Variants in DOCK1 observed in about 807,000 individuals in gnomAD.
DOCK1 encodes the protein dedicator of cytokinesis 1.
Under a neutral mutation model 262.7 loss-of-function variants are expected in DOCK1, and 138 were observed. That is an observed-to-expected ratio of 0.53 (90% confidence interval 0.46 to 0.61). DOCK1 has a LOEUF of 0.61. DOCK1 is among the 20% of genes least tolerant of loss of function. DOCK1 has a pLI of 0.00. For synonymous variants in DOCK1, 866 were observed against 867.4 expected, an observed-to-expected ratio of 1.00 and a Z score of 0.03; for missense variants, 1,908 against 2,370.7, an observed-to-expected ratio of 0.80 and a Z score of 4.05.
intron 35 of DOCK1, among the ~76,000 whole-genome samples, chr10:127,378,999 A>G (rs1170072528): frequency 1.3e-5 from 2 of 152,232 alleles, no homozygotes; most frequent in African/African-American, 2.4e-5. Flanking sequence ...TTGCTCATGA[A>G]ATTAAAGAGC....
At chr10:126,911,478 G>A (rs1256387082) in intron 1 of DOCK1, among the ~76,000 whole-genome samples, 1 of 152,224 alleles carries the variant, frequency 6.6e-6, no homozygotes, top group Non-Finnish European at 1.5e-5. Flanking sequence ...ATGCACCAGT[G>A]TGGAGACCAC....
At chr10:127,115,434 A>ATC (rs1184649656) in intron 25 of DOCK1, among the ~76,000 whole-genome samples, 4 of 152,188 alleles carry the variant, frequency 2.6e-5, no homozygotes, top group African/African-American at 9.7e-5. Flanking sequence ...CTTGCATATA[A>ATC]TCTGTGGTGT....
chr10:127,312,279 G>A (rs1234353583), intron 29 of DOCK1, among the ~76,000 whole-genome samples: 1 of 152,148 alleles, frequency 6.6e-6, no homozygotes, highest in East Asian at 1.9e-4. Context: ...AGAAATAGCG[G>A]TGATGATCAC....
chr10:127,426,757 G>A (rs2068841499), intron 47 of DOCK1, among the ~76,000 whole-genome samples: 1 of 152,206 alleles, frequency 6.6e-6, no homozygotes, highest in Non-Finnish European at 1.5e-5. Flanking sequence ...CTAGGCTGGG[G>A]CAGGAGGCTC....
chr10:127,157,478 T>G (rs560978392), intron 27 of DOCK1, among the ~76,000 whole-genome samples: 1 of 152,358 alleles, frequency 6.6e-6, no homozygotes, highest in African/African-American at 2.4e-5. Context: ...ATGGAAACAC[T>G]TCTTGACTTT....
At chr10:127,103,495 C>G (rs1232166483) in intron 23 of DOCK1, among the ~76,000 whole-genome samples, 1 of 152,094 alleles carries the variant, frequency 6.6e-6, no homozygotes. Flanking sequence ...ATTGCTGATT[C>G]CTTTCCTCTG....
chr10:127,241,183 G>A (rs1039382178), intron 27 of DOCK1, among the ~76,000 whole-genome samples: 5 of 152,034 alleles, frequency 3.3e-5, no homozygotes, highest in African/African-American at 1.2e-4. Flanking sequence ...AATTAGCCAG[G>A]CGTGGCATAC....
At chr10:126,919,959 G>C (rs148672269) in intron 1 of DOCK1, among the ~76,000 whole-genome samples, 1 of 152,156 alleles carries the variant, frequency 6.6e-6, no homozygotes, top group Non-Finnish European at 1.5e-5. Context: ...GGGGAGTTAC[G>C]TCTTGGAGGG....
At chr10:127,397,733 G>A (rs112026736) in intron 38 of DOCK1, among the ~76,000 whole-genome samples, 37,402 of 108,554 alleles carry the variant, frequency 0.34, 5,320 homozygotes, top group South Asian at 0.45. Flanking sequence ...GTGTGACCCG[G>A]GCAGCGACTC....
intron 18 of DOCK1, among the ~76,000 whole-genome samples, chr10:127,033,842 T>G (rs192132722): frequency 1.2e-4 from 19 of 152,346 alleles, no homozygotes; most frequent in African/African-American, 4.3e-4. Context: ...TTCTGCACTT[T>G]GCACTCTGTT....
intron 1 of DOCK1, among the ~76,000 whole-genome samples, chr10:126,910,086 C>G (rs1474515376): frequency 6.6e-6 from 1 of 152,124 alleles, no homozygotes; most frequent in East Asian, 1.9e-4. Flanking sequence ...CTTTTGTTAT[C>G]TAGAGTAGCA....
intron 29 of DOCK1, chr10:127,271,934 A>G (rs2060583930): frequency 6.6e-6 from 1 of 152,234 alleles, no homozygotes; most frequent in Admixed American, 6.5e-5. Flanking sequence ...TATTAGCCAG[A>G]GCTAATTCCT....
intron 23 of DOCK1, among the ~76,000 whole-genome samples, chr10:127,087,490 G>A (rs2047265653): frequency 6.6e-6 from 1 of 152,116 alleles, no homozygotes; most frequent in Non-Finnish European, 1.5e-5. Context: ...TGGGTAGAGT[G>A]TTGGTCCCCG....
chr10:127,434,441 A>C (rs1430805200), intron 48 of DOCK1, among the ~76,000 whole-genome samples: 1 of 152,092 alleles, frequency 6.6e-6, no homozygotes, highest in Non-Finnish European at 1.5e-5. Context: ...TCAAGCGATC[A>C]TAACCATTTG....
At chr10:126,997,670 A>G (rs2040308349) in intron 7 of DOCK1, 1 of 214,986 alleles carries the variant, frequency 4.7e-6, no homozygotes, top group Non-Finnish European at 9.5e-6. Flanking sequence ...ATACTCAGAA[A>G]TTGACTAATT....
At chr10:127,227,731 G>A (rs1049400060) in intron 27 of DOCK1, among the ~76,000 whole-genome samples, 1 of 152,258 alleles carries the variant, frequency 6.6e-6, no homozygotes, top group African/African-American at 2.4e-5. Context: ...CAGCCCTGAG[G>A]TTCCAGGCAC....
At position 127,291,590 on chromosome 10, in the gene DOCK1, GA is replaced by G. The variant is rs141437358; in HGVS notation, c.3044+34162del. 8.5e-3 allele frequency among the ~76,000 whole-genome samples: 1,299 copies of G among 152,322 alleles called. 36 individuals carry two copies. The East Asian group carries it at 0.1, about 12-fold the overall frequency. On this transcript the variant is annotated intron_variant, in intron 29 of 51. Coordinates refer to ENST00000623213, the MANE Select transcript of DOCK1 (RefSeq NM_001290223.2). Reference sequence around the variant, plus strand: ...GCGCCCTGTCGGGTCAGTTCCGTGTGAGAACCTGAGAGGGAAGGAGAGTTGC... The same window carrying G: ...GCGCCCTGTCGGGTCAGTTCCGTGTGGAACCTGAGAGGGAAGGAGAGTTGC...
chr10:127,188,612 T>C (rs2056487293), intron 27 of DOCK1, among the ~76,000 whole-genome samples: 1 of 152,176 alleles, frequency 6.6e-6, no homozygotes, highest in South Asian at 2.1e-4. Flanking sequence ...GTGGTTAATT[T>C]CTGGCCGTAG....
intron 19 of DOCK1, among the ~76,000 whole-genome samples, chr10:127,040,444 G>T (rs2043944571): frequency 6.6e-6 from 1 of 152,196 alleles, no homozygotes; most frequent in Non-Finnish European, 1.5e-5. Context: ...TGGGCATGCT[G>T]GGCGTCCTCT....
Sources: allele counts gnomAD v4.1 joint callset (sites outside exome capture counted in the v4.1 genomes callset), GRCh38; gene constraint gnomAD v4.1.1; transcripts MANE v1.5; gene names NCBI Gene and HGNC (gene_info 2026-07-23, HGNC 2026-07-21).